GPR39: variants seen among roughly 807,000 people sequenced by gnomAD.
The protein encoded by GPR39 is zinc sensing receptor.
Under a neutral mutation model 18.4 loss-of-function variants are expected in GPR39, and 23 were observed. That is an observed-to-expected ratio of 1.25 (90% confidence interval 0.90 to 1.77). The LOEUF (loss-of-function observed/expected upper bound fraction) is 1.77, where lower values mean the gene tolerates loss of function less well. Ranked by LOEUF, GPR39 falls within the 40% of genes most tolerant of loss-of-function variation. GPR39 has a pLI of 0.00. For missense variants in GPR39, 647 were observed against 602.4 expected, an observed-to-expected ratio of 1.07 and a Z score of -0.78; for synonymous variants, 280 against 257.9, an observed-to-expected ratio of 1.09 and a Z score of -0.82.
At chr2:132,507,369 T>A (rs1440999160) in intron 1 of GPR39, among the ~76,000 whole-genome samples, 1 of 152,210 alleles carries the variant, frequency 6.6e-6, no homozygotes, top group Non-Finnish European at 1.5e-5. Context: ...CCTGTCCTGC[T>A]ACGTGGTGGG....
chr2:132,645,315 G>C lies in GPR39; in HGVS notation c.1071G>C (p.Gln357His). 6.2e-7 allele frequency: 1 copy of C among 1,614,220 alleles called. No individual in the cohort carries two copies. The highest frequency in any genetic ancestry group is 8.5e-7 in the Non-Finnish European group (1 of 1,180,036). ...SSQQFRRVFV[Q>H]VLCCRLSLQH... is the part of the protein sequence containing the mutation. ...AGCAGTTTCGGCGGGTGTTCGTGCA[G>C]GTGCTGTGCTGCCGCCTGTCGCTGC... Residue 357 changes from glutamine to histidine, a missense_variant, in exon 2 of 2, where the codon CAG (glutamine) becomes CAC (histidine). Physicochemically the swap from Gln to His is conservative, Grantham distance 24. Around this residue, in one of 3 missense-constraint regions of GPR39, gnomAD observed 581 missense variants for 506.8 expected, o/e 1.15. Transcript: ENST00000329321.
chr2:132,602,871 G>GAAAAAAAAAAAAAA (rs56271366), intron 1 of GPR39, among the ~76,000 whole-genome samples: 1 of 137,962 alleles, frequency 7.2e-6, no homozygotes. Context: ...CTTAAAAAGA[G>GAAAAAAAAAAAAAA]AAAAAAAAAA....
intron 1 of GPR39, among the ~76,000 whole-genome samples, chr2:132,484,898 C>T (rs1242177450): frequency 6.6e-6 from 1 of 152,222 alleles, no homozygotes; most frequent in East Asian, 1.9e-4. Context: ...GAAACAAATC[C>T]TCTCTGGAGG....
intron 1 of GPR39, among the ~76,000 whole-genome samples, chr2:132,452,378 C>T (rs1680645425): frequency 6.6e-6 from 1 of 152,154 alleles, no homozygotes; most frequent in South Asian, 2.1e-4. Flanking sequence ...GCTAATCTTC[C>T]TTACCTATCA....
rs535250348 is a variant in GPR39, at chr2:132,442,460, C to T, written c.856+24562C>T. Reference sequence around the variant, plus strand: ...GATGCTCTAAATGTCCGCTCCCTGACCGCCATTAACACCGCTCAGGCCCCA... The same window carrying T: ...GATGCTCTAAATGTCCGCTCCCTGATCGCCATTAACACCGCTCAGGCCCCA... On this transcript the variant is annotated intron_variant, in intron 1 of 1. Coordinates refer to ENST00000329321, the MANE Select transcript of GPR39 (RefSeq NM_001508.3). 3.9e-5 allele frequency among the ~76,000 whole-genome samples: 6 copies of T among 152,310 alleles called. No homozygotes were observed. In the East Asian group the frequency reaches 1.2e-3, roughly 29 times the overall value.
chr2:132,613,391 T>G (rs1681269103), intron 1 of GPR39, among the ~76,000 whole-genome samples: 2 of 152,206 alleles, frequency 1.3e-5, no homozygotes, highest in Admixed American at 6.5e-5. Flanking sequence ...TCCATCCTCC[T>G]TAGGCAAAAC....
intron 1 of GPR39, among the ~76,000 whole-genome samples, chr2:132,497,711 G>T (rs16832367): frequency 0.056 from 8,469 of 152,124 alleles, 760 homozygotes; most frequent in African/African-American, 0.19. Flanking sequence ...AATTCCTGCT[G>T]CTACTCACCC....
intron 1 of GPR39, among the ~76,000 whole-genome samples, chr2:132,533,718 C>G (rs1227701715): frequency 6.6e-6 from 1 of 152,154 alleles, no homozygotes; most frequent in Non-Finnish European, 1.5e-5. Context: ...TGATCTTTGA[C>G]AAACCTGAGA....
chr2:132,549,753 A>C (rs971387287), intron 1 of GPR39, among the ~76,000 whole-genome samples: 3 of 152,130 alleles, frequency 2.0e-5, no homozygotes, highest in African/African-American at 7.2e-5. Flanking sequence ...GTGCCACTGC[A>C]TTCTAATCCG....
intron 1 of GPR39, among the ~76,000 whole-genome samples, chr2:132,535,409 T>A (rs1284068472): frequency 6.6e-6 from 1 of 152,174 alleles, no homozygotes; most frequent in East Asian, 1.9e-4. Context: ...ATCTCAGGGA[T>A]GAAGCTGACT....
chr2:132,646,160 G>A lies in GPR39; in HGVS notation c.*554G>A. On this transcript the variant is annotated 3_prime_UTR_variant, in exon 2 of 2. Transcript: ENST00000329321. ...CTTGGGCCTTGGCCCGTTACAAAGA[G>A]GGGTGTTGCAGCAGCTGATGCAAAC... 1 of 1,612,104 alleles carries A rather than the reference G, an allele frequency of 6.2e-7. No homozygotes were observed. Among genetic ancestry groups the A allele is most frequent in the Non-Finnish European group, 8.5e-7 (1 of 1,178,838 alleles).
chr2:132,532,875 C>T (rs1269165794), intron 1 of GPR39, among the ~76,000 whole-genome samples: 1 of 152,140 alleles, frequency 6.6e-6, no homozygotes, highest in Admixed American at 6.5e-5. Context: ...TATGACAAAC[C>T]CACAGCCAAT....
intron 1 of GPR39, among the ~76,000 whole-genome samples, chr2:132,636,302 C>T (rs1468203458): frequency 2.0e-5 from 3 of 152,218 alleles, no homozygotes; most frequent in African/African-American, 7.2e-5. Context: ...CATGCTGGGC[C>T]TCCCCAGGTT....
intron 1 of GPR39, among the ~76,000 whole-genome samples, chr2:132,468,877 A>G (rs1680978924): frequency 6.6e-6 from 1 of 152,194 alleles, no homozygotes; most frequent in African/African-American, 2.4e-5. Context: ...CCTCCTCCCC[A>G]GGTGAGATAC....
At chr2:132,425,215 G>A (rs1039097185) in intron 1 of GPR39, among the ~76,000 whole-genome samples, 2 of 152,074 alleles carry the variant, frequency 1.3e-5, no homozygotes, top group African/African-American at 4.8e-5. Context: ...CCTGGACTAC[G>A]ACAGCCTATA....
At chr2:132,496,909 G>A (rs1480607365) in intron 1 of GPR39, among the ~76,000 whole-genome samples, 1 of 152,176 alleles carries the variant, frequency 6.6e-6, no homozygotes, top group Non-Finnish European at 1.5e-5. Flanking sequence ...ACAGCACAAA[G>A]CAATGTCAAA....
chr2:132,644,801 A>C (rs183865697), intron 1 of GPR39: 149 of 349,584 alleles, frequency 4.3e-4, no homozygotes, highest in African/African-American at 3.1e-3. Context: ...TACGCAAACA[A>C]ACACCAATGA....
rs564589590 is a variant in GPR39, at chr2:132,609,022, TG to T, written c.857-36078del. Among the ~76,000 whole-genome samples, 12 of 152,316 alleles carry T rather than the reference TG, an allele frequency of 7.9e-5. No homozygotes were observed. In the South Asian group the frequency reaches 2.5e-3, roughly 32 times the overall value. Reference sequence around the variant, plus strand: ...CAAATAAATGGGGAGGGGGTGCTGTTGTTCAGAGAGCAGTGAGAGAGGATGT... The same window carrying T: ...CAAATAAATGGGGAGGGGGTGCTGTTTTCAGAGAGCAGTGAGAGAGGATGT... On this transcript the variant is annotated intron_variant, in intron 1 of 1. Coordinates refer to ENST00000329321, the MANE Select transcript of GPR39 (RefSeq NM_001508.3).
At chr2:132,621,690 T>TCAGACCCTGTCTCCAGCC (rs1681445971) in intron 1 of GPR39, among the ~76,000 whole-genome samples, 2 of 152,196 alleles carry the variant, frequency 1.3e-5, no homozygotes, top group South Asian at 4.1e-4. Context: ...AGATTCCAGC[T>TCAGACCCTGTCTCCAGCC]CAGACCCTGT....
Sources: allele counts gnomAD v4.1 joint callset (sites outside exome capture counted in the v4.1 genomes callset), GRCh38; gene constraint gnomAD v4.1.1; regional missense constraint gnomAD v4.1.1; transcripts MANE v1.5; gene names NCBI Gene and HGNC (gene_info 2026-07-23, HGNC 2026-07-21).